PLPP3: variants seen among roughly 807,000 people sequenced by gnomAD.
PLPP3 encodes the protein PAP2 beta.
A neutral mutation model predicts 29.6 loss-of-function variants in PLPP3; 6 were observed. That is an observed-to-expected ratio of 0.20 (90% CI 0.11 to 0.40). The LOEUF is 0.40. Ranked by LOEUF, PLPP3 falls within the 10% of genes least tolerant of loss-of-function variation. PLPP3 has a pLI of 1.00. For synonymous variants in PLPP3, 152 were observed against 159.7 expected (o/e 0.95, Z 0.36); for missense variants, 308 against 407.7 (o/e 0.76, Z 2.11).
chr1:56,578,332 G>A (rs1223666087), intron 1 of PLPP3, among the ~76,000 whole-genome samples: 2 of 152,190 alleles, frequency 1.3e-5, no homozygotes, highest in Admixed American at 1.3e-4. Flanking sequence ...CCAAGCCCGG[G>A]GAAAGCACCT....
intron 1 of PLPP3, among the ~76,000 whole-genome samples, chr1:56,543,507 G>A (rs773455691): frequency 2.0e-5 from 3 of 152,080 alleles, no homozygotes; most frequent in Non-Finnish European, 4.4e-5. Flanking sequence ...GGCCAGAATG[G>A]TCAACACAAC....
chr1:56,553,652 T>C (rs1201736397), intron 1 of PLPP3, among the ~76,000 whole-genome samples: 1 of 152,188 alleles, frequency 6.6e-6, no homozygotes, highest in Non-Finnish European at 1.5e-5. Flanking sequence ...CAGGTTATCT[T>C]AACACATATA....
intron 1 of PLPP3, among the ~76,000 whole-genome samples, chr1:56,555,286 C>A (rs1203975540): frequency 2.0e-5 from 3 of 151,624 alleles, no homozygotes; most frequent in African/African-American, 4.8e-5. Context: ...TATCTGTCCC[C>A]TGCACATGGA....
chr1:56,534,156 A>G (rs1273496350), intron 2 of PLPP3, among the ~76,000 whole-genome samples: 2 of 152,178 alleles, frequency 1.3e-5, no homozygotes, highest in Non-Finnish European at 2.9e-5. Flanking sequence ...GAGAGATAGG[A>G]GATGATATTT....
intron 1 of PLPP3, among the ~76,000 whole-genome samples, chr1:56,578,062 C>T (rs983345504): frequency 1.3e-5 from 2 of 152,192 alleles, no homozygotes; most frequent in African/African-American, 4.8e-5. Context: ...CACCGCTCTT[C>T]CAGCTGTGGC....
chr1:56,546,604 C>T (rs1646008340), intron 1 of PLPP3, among the ~76,000 whole-genome samples: 1 of 152,158 alleles, frequency 6.6e-6, no homozygotes, highest in African/African-American at 2.4e-5. Flanking sequence ...GTCACCAGGG[C>T]AAGGTAGTTC....
At chr1:56,547,472 T>C in intron 1 of PLPP3, among the ~76,000 whole-genome samples, 1 of 152,080 alleles carries the variant, frequency 6.6e-6, no homozygotes, top group Middle Eastern at 3.2e-3. Flanking sequence ...CAACATCCCA[T>C]ACCCTAATAA....
intron 5 of PLPP3, among the ~76,000 whole-genome samples, chr1:56,508,814 G>C (rs923394236): frequency 2.0e-5 from 3 of 152,048 alleles, no homozygotes; most frequent in African/African-American, 7.2e-5. Flanking sequence ...TTCATCACAT[G>C]GTCTCTGGTT....
At chr1:56,556,027 A>G (rs1646074350) in intron 1 of PLPP3, among the ~76,000 whole-genome samples, 1 of 152,158 alleles carries the variant, frequency 6.6e-6, no homozygotes, top group South Asian at 2.1e-4. Context: ...TGTGATGAAA[A>G]TGTATCATTT....
At chr1:56,501,607 A>T (rs1452354724) in intron 5 of PLPP3, among the ~76,000 whole-genome samples, 2 of 152,178 alleles carry the variant, frequency 1.3e-5, no homozygotes, top group Admixed American at 6.5e-5. Context: ...CTGAGTCAAA[A>T]GGAGTAAACT....
Position 56,573,605 on chromosome 1 carries a change from C to T in PLPP3, c.139+5273G>A, listed in dbSNP as rs551568600. 2.0e-3 allele frequency among the ~76,000 whole-genome samples: 299 copies of T among 152,294 alleles called. 2 individuals are homozygous for T. Among genetic ancestry groups the T allele is most frequent in the Admixed American group, 3.5e-3 (53 of 15,300 alleles). ...TCAAAGCCAGCTGAATCTGAATATCCTGGAGAAGAGTCCGAGAATCTGTAT... is the reference window on the plus strand; with the variant it reads ...TCAAAGCCAGCTGAATCTGAATATCTTGGAGAAGAGTCCGAGAATCTGTAT... On this transcript the variant is annotated intron_variant, in intron 1 of 5. Transcript: ENST00000371250.
chr1:56,504,683 G>A (rs538393665), intron 5 of PLPP3, among the ~76,000 whole-genome samples: 6 of 152,144 alleles, frequency 3.9e-5, no homozygotes, highest in South Asian at 2.1e-4. Context: ...TTCCTTCTGC[G>A]TGGAATTCCC....
intron 1 of PLPP3, among the ~76,000 whole-genome samples, chr1:56,548,895 C>CAA (rs767987345): frequency 1.7e-5 from 2 of 120,810 alleles, no homozygotes; most frequent in Non-Finnish European, 1.8e-5. Context: ...AAGGCTATAC[C>CAA]AAAAAAAAAA....
At chr1:56,507,584 G>A (rs891977616) in intron 5 of PLPP3, among the ~76,000 whole-genome samples, 1 of 152,180 alleles carries the variant, frequency 6.6e-6, no homozygotes, top group Admixed American at 6.5e-5. Flanking sequence ...AAGGCCATGG[G>A]GGACTGGAAG....
intron 1 of PLPP3, 149 bp from the exon 2 acceptor site, chr1:56,537,261 G>T: frequency 2.2e-6 from 2 of 924,662 alleles, no homozygotes; most frequent in Non-Finnish European, 3.2e-6. Flanking sequence ...GAGATCTACT[G>T]CCTAGAGAGA....
intron 4 of PLPP3, 155 bp from the exon 5 acceptor site, chr1:56,512,307 C>T (rs1466596979): frequency 1.4e-6 from 1 of 693,518 alleles, no homozygotes; most frequent in Non-Finnish European, 2.2e-6. Context: ...TGACCTCAAG[C>T]CAGTTATTTA....
At chr1:56,546,292 A>G (rs552098609) in intron 1 of PLPP3, among the ~76,000 whole-genome samples, 15 of 151,934 alleles carry the variant, frequency 9.9e-5, no homozygotes, top group Admixed American at 7.2e-4. Context: ...TGCACTGTCA[A>G]TTTTCTTATA....
chr1:56,567,393 CTTTTTTT>C (rs1172831045), intron 1 of PLPP3, among the ~76,000 whole-genome samples: 1 of 117,010 alleles, frequency 8.5e-6, no homozygotes. Context: ...TAAGGTATTT[CTTTTTTT>C]TTTTTTTTTT....
rs567404480 is a variant in PLPP3 at position 56,568,970 on chromosome 1, C to T, written c.139+9908G>A. On this transcript the variant is annotated intron_variant, in intron 1 of 5. Transcript: ENST00000371250. ...AGCCCTCTCTGCTCCCACCACAGTA[C>T]CCTCGGTTCAGCTTGCACTTGCCAC... Among the ~76,000 whole-genome samples, 123 of 151,852 alleles carry T rather than the reference C, an allele frequency of 8.1e-4. 1 individual carries two copies. The highest frequency in any genetic ancestry group is 6.8e-3 in the Middle Eastern group (2 of 292).
Sources: allele counts gnomAD v4.1 joint callset (sites outside exome capture counted in the v4.1 genomes callset), GRCh38; gene constraint gnomAD v4.1.1; transcripts MANE v1.5; gene names NCBI Gene and HGNC (gene_info 2026-07-23, HGNC 2026-07-21).